The following ACADSB variants were observed in gnomAD, a reference collection of about 807,000 sequenced individuals.
The protein encoded by ACADSB is acyl-CoA dehydrogenase short/branched chain.
A neutral mutation model predicts 54.1 loss-of-function variants in ACADSB; 40 were observed. The ratio of observed to expected loss-of-function variants is 0.74; its 90% CI spans 0.57 to 0.96. ACADSB has a LOEUF of 0.96. ACADSB is among the 40% of genes least tolerant of loss of function. The pLI is 0.00. For synonymous variants in ACADSB, 182 were observed against 182.8 expected, an observed-to-expected ratio of 1.00 and a Z score of 0.03; for missense variants, 530 against 510.4, an observed-to-expected ratio of 1.04 and a Z score of -0.37.
intron 8 of ACADSB, among the ~76,000 whole-genome samples, chr10:123,049,534 A>G (rs1850600947): frequency 6.6e-6 from 1 of 152,234 alleles, no homozygotes; most frequent in Non-Finnish European, 1.5e-5. Context: ...AAAAATAATC[A>G]GAATCTCTGA....
chr10:123,012,603 G>T (rs933584396), intron 1 of ACADSB, among the ~76,000 whole-genome samples: 3 of 152,202 alleles, frequency 2.0e-5, no homozygotes, highest in African/African-American at 7.2e-5. Flanking sequence ...CACCGGCTCA[G>T]GAGTGAAGCT....
intron 1 of ACADSB, among the ~76,000 whole-genome samples, chr10:123,018,848 A>G (rs9423314): frequency 0.57 from 86,761 of 151,782 alleles, 26,304 homozygotes; most frequent in Non-Finnish European, 0.69. Flanking sequence ...AGAACAACAC[A>G]GGAACAACCC....
rs1850473450 is a variant in ACADSB, at chr10:123,041,490, T to G, written c.681+111T>G. 3 of 1,099,422 alleles carry G rather than the reference T, an allele frequency of 2.7e-6. No homozygotes were observed. The South Asian group carries it at 4.1e-5, about 15-fold the overall frequency. 68.1% of individuals were successfully genotyped at this position (1,099,422 alleles called of 1,614,324 possible). ...GGACTTCATCTTGAACTCTTTAGTC[T>G]TCTCAGTACTGAAAATGTCAGACTT... On this transcript the variant is annotated intron_variant, in intron 5 of 10. Coordinates refer to ENST00000358776, the MANE Select transcript of ACADSB (RefSeq NM_001609.4).
chr10:123,021,863 C>A (rs1242966511), intron 1 of ACADSB, among the ~76,000 whole-genome samples: 3 of 152,028 alleles, frequency 2.0e-5, no homozygotes, highest in Admixed American at 6.6e-5. Context: ...GTTTTTCTCC[C>A]AAAATAGGGT....
intron 1 of ACADSB, among the ~76,000 whole-genome samples, chr10:123,022,596 A>T (rs1313368015): frequency 2.0e-5 from 3 of 152,230 alleles, no homozygotes; most frequent in Non-Finnish European, 4.4e-5. Context: ...ACTTTTAGAT[A>T]ACTTCTGAAT....
At chr10:123,029,936 G>A (rs982863120) in intron 1 of ACADSB, among the ~76,000 whole-genome samples, 1 of 152,106 alleles carries the variant, frequency 6.6e-6, no homozygotes, top group African/African-American at 2.4e-5. Context: ...TCACAGGTTC[G>A]GTTGTCTGGG....
rs1259238021 is a variant in ACADSB, at chr10:123,055,009, G to A, written c.*1244G>A. The A allele has an allele frequency of 6.6e-6, 1 of 152,244 alleles. No homozygotes were observed. The highest frequency in any genetic ancestry group is 1.5e-5 in the Non-Finnish European group (1 of 68,104). The allele number at this position is 152,244 out of a possible 1,614,324, so 9.4% of individuals were successfully genotyped here. On this transcript the variant is annotated 3_prime_UTR_variant, in exon 11 of 11. Coordinates refer to ENST00000358776, the MANE Select transcript of ACADSB (RefSeq NM_001609.4). Reference sequence around the variant, plus strand: ...CATAAGGAATGAGGGAGAGAAGGGGGCTGTAGAGTTTGAAAAAGCATATTC... The same window carrying A: ...CATAAGGAATGAGGGAGAGAAGGGGACTGTAGAGTTTGAAAAAGCATATTC...
In ACADSB at chr10:123,043,091, G is replaced by GGCCT; in HGVS notation, c.728_731dup (p.His245ProfsTer7). 6.2e-7 allele frequency: 1 copy of GGCCT among 1,613,776 alleles called. No homozygotes were observed. The highest frequency in any genetic ancestry group is 8.5e-7 in the Non-Finnish European group (1 of 1,179,784). On this transcript the variant is annotated frameshift_variant, in exon 6 of 11. Coordinates refer to ENST00000358776, the MANE Select transcript of ACADSB (RefSeq NM_001609.4). LOFTEE classifies it high-confidence loss of function. ...CTTCTTAGTAGATCGTGATACTCCG[G>GGCCT]GCCTTCATATAGGGAAACCTGAAAA... is the stretch of plus-strand genomic sequence containing the variant.
chr10:123,040,717 A>T, intron 4 of ACADSB, 45 bp downstream of exon 4: 1 of 1,558,338 alleles, frequency 6.4e-7, no homozygotes. Context: ...AATCTTTAGT[A>T]AGTTTACAAT....
At chr10:123,046,047 T>A (rs1299751128) in intron 7 of ACADSB, among the ~76,000 whole-genome samples, 1 of 152,206 alleles carries the variant, frequency 6.6e-6, no homozygotes, top group African/African-American at 2.4e-5. Context: ...GGATAACTGA[T>A]TATTTCAGTC....
chr10:123,042,945 A>C (rs1020333383), intron 5 of ACADSB, 101 bp from the exon 6 acceptor site: 2 of 1,390,652 alleles, frequency 1.4e-6, no homozygotes, highest in Non-Finnish European at 2.0e-6. Context: ...ATTAGTATTT[A>C]TTACCAAAGT....
At chr10:123,050,350 C>T (rs957614138) in intron 8 of ACADSB, among the ~76,000 whole-genome samples, 12 of 152,164 alleles carry the variant, frequency 7.9e-5, no homozygotes, top group African/African-American at 1.4e-4. Flanking sequence ...TCACTCAGGG[C>T]GGTGCCTGCC....
chr10:123,041,455 T>C, intron 5 of ACADSB, 76 bp downstream of exon 5: 3 of 1,502,464 alleles, frequency 2.0e-6, no homozygotes, highest in Non-Finnish European at 2.8e-6. Flanking sequence ...CTCCTTCTGT[T>C]TCCTTTTTAG....
rs1306847204 is a variant in ACADSB at position 123,040,497 on chromosome 10, GA to G, written c.336del (p.Gly113AlafsTer12). The stretch of plus-strand genomic sequence containing the variant: ...GGTATTGAAGTTGACCCAGAATATG[GA>G]GGCACAGGAGCTTCATTTTTATCCA... ...LMGIEVDPEY[G>X]GTGASFLSTV... On this transcript the variant is annotated frameshift_variant, in exon 4 of 11. Coordinates refer to ENST00000358776, the MANE Select transcript of ACADSB (RefSeq NM_001609.4). LOFTEE classifies it high-confidence loss of function. The G allele has an allele frequency of 1.2e-6, 2 of 1,614,022 alleles. No homozygotes were observed. The highest frequency in any genetic ancestry group is 1.7e-6 in the Non-Finnish European group (2 of 1,180,004).
At chr10:123,047,117 C>A in intron 7 of ACADSB, 92 bp from the exon 8 acceptor site, 2 of 1,046,242 alleles carry the variant, frequency 1.9e-6, no homozygotes, top group South Asian at 1.3e-5. Flanking sequence ...CTGCCCCAAT[C>A]ATTCAATTTA....
At chr10:123,045,164 TA>T (rs1564753038) in intron 7 of ACADSB, among the ~76,000 whole-genome samples, 159 of 13,940 alleles carry the variant, frequency 0.011, 4 homozygotes, top group African/African-American at 0.014. Flanking sequence ...TATATATATA[TA>T]TATATATTTT....
rs755175314 is a variant in ACADSB at position 123,043,031 on chromosome 10, A to C, written c.682-15A>C. 2.5e-6 allele frequency: 4 copies of C among 1,612,532 alleles called. No homozygotes were observed. The African/African-American group carries it at 5.3e-5, about 22-fold the overall frequency. On this transcript the variant is annotated splice_polypyrimidine_tract_variant and intron_variant, in intron 5 of 10. Coordinates refer to ENST00000358776, the MANE Select transcript of ACADSB (RefSeq NM_001609.4). ...TAAATCCAAGTGGTAATAGCGTTTT[A>C]ATTCTTCTTTTTAGGGATATAAGGG...
intron 1 of ACADSB, among the ~76,000 whole-genome samples, chr10:123,022,674 T>C (rs1257610655): frequency 6.6e-6 from 1 of 152,172 alleles, no homozygotes; most frequent in Non-Finnish European, 1.5e-5. Context: ...TTCAGAATTA[T>C]GTGTTAATTC....
chr10:123,049,103 G>T (rs1398913385), intron 8 of ACADSB, among the ~76,000 whole-genome samples: 3 of 152,214 alleles, frequency 2.0e-5, no homozygotes, highest in Admixed American at 2.0e-4. Flanking sequence ...GACATGCTAT[G>T]TGAAATAAGC....
Sources: allele counts gnomAD v4.1 joint callset (sites outside exome capture counted in the v4.1 genomes callset), GRCh38; gene constraint gnomAD v4.1.1; transcripts MANE v1.5; gene names NCBI Gene and HGNC (gene_info 2026-07-23, HGNC 2026-07-21).